TMEM178B: variants seen among roughly 807,000 people sequenced by gnomAD.
The protein encoded by TMEM178B is transmembrane protein 178B.
Under a neutral mutation model 31.0 loss-of-function variants are expected in TMEM178B, and 5 were observed. That is an observed-to-expected ratio of 0.16 (90% CI 0.08 to 0.34). The LOEUF is 0.34. Among genes scored for constraint, TMEM178B ranks in the 10% least tolerant of loss-of-function variants. The pLI is 1.00. For missense variants in TMEM178B, 275 were observed against 400.3 expected, an observed-to-expected ratio of 0.69 and a Z score of 2.67; for synonymous variants, 164 against 164.0, an observed-to-expected ratio of 1.00 and a Z score of 0.00.
chr7:141,482,677 C>T (rs1802497749), downstream of TMEM178B, among the ~76,000 whole-genome samples: 1 of 152,190 alleles, frequency 6.6e-6, no homozygotes, highest in African/African-American at 2.4e-5. Flanking sequence ...AGCTACTATA[C>T]TCAGGGTTAT....
chr7:141,505,335 T>G, the TMEM178B span, among the ~76,000 whole-genome samples: 8 of 152,234 alleles, frequency 5.3e-5, no homozygotes, highest in African/African-American at 1.7e-4. Flanking sequence ...AATGACCAAG[T>G]CAAAATAGAA....
intron 2 of TMEM178B, among the ~76,000 whole-genome samples, chr7:141,273,627 A>G (rs1315809308): frequency 2.0e-5 from 3 of 152,324 alleles, no homozygotes; most frequent in African/African-American, 7.2e-5. Context: ...AGCAGATACT[A>G]TTTCAGAAAA....
At chr7:141,108,427 A>G (rs564960821) in intron 1 of TMEM178B, among the ~76,000 whole-genome samples, 2 of 152,334 alleles carry the variant, frequency 1.3e-5, no homozygotes, top group African/African-American at 4.8e-5. Flanking sequence ...CAATCCATCT[A>G]TAGTAGCAGG....
At chr7:141,083,591 G>T (rs1283149119) in intron 1 of TMEM178B, among the ~76,000 whole-genome samples, 4 of 152,056 alleles carry the variant, frequency 2.6e-5, no homozygotes, top group Admixed American at 1.3e-4. Context: ...AATAGGAATA[G>T]CTAATTTCTT....
intron 2 of TMEM178B, among the ~76,000 whole-genome samples, chr7:141,251,654 A>G (rs989929946): frequency 6.6e-6 from 1 of 152,206 alleles, no homozygotes; most frequent in Admixed American, 6.5e-5. Flanking sequence ...GAGCAAACTT[A>G]TAAAACAAAT....
In TMEM178B at chr7:141,479,368, T is replaced by G. The variant is rs968513130; in HGVS notation, c.*8582T>G. The G allele has an allele frequency of 1.1e-4, 17 of 152,356 alleles. No individual in the cohort carries two copies. Among genetic ancestry groups the G allele is most frequent in the Admixed American group, 7.8e-4 (12 of 15,306 alleles). 9.4% of individuals were successfully genotyped at this position (152,356 alleles called of 1,614,324 possible). ...AAAGGAGATACCCTGGGAAGGGCAG[T>G]GGCCACAGGCAGACTGGGTCTCCTA... On this transcript the variant is annotated 3_prime_UTR_variant, in exon 4 of 4. Coordinates refer to ENST00000565468, the MANE Select transcript of TMEM178B (RefSeq NM_001195278.2).
At chr7:141,230,161 T>C (rs1424911068) in intron 2 of TMEM178B, among the ~76,000 whole-genome samples, 1 of 152,212 alleles carries the variant, frequency 6.6e-6, no homozygotes, top group Non-Finnish European at 1.5e-5. Context: ...AATAATGTTA[T>C]AATGATAATC....
In TMEM178B at chr7:141,138,352, C is replaced by T. The variant is rs548198372; in HGVS notation, c.382+63660C>T. On this transcript the variant is annotated intron_variant, in intron 1 of 3. Transcript: ENST00000565468. ...CTGGGATTACAGGCATGAGCCACTGCGCCCGGCCTAAAATTCAAAATTTTA... is the reference window on the plus strand; with the variant it reads ...CTGGGATTACAGGCATGAGCCACTGTGCCCGGCCTAAAATTCAAAATTTTA... Among the ~76,000 whole-genome samples the T allele has an allele frequency of 5.1e-4, 78 of 152,146 alleles. 1 individual carries two copies. In the Middle Eastern group the frequency reaches 0.014, roughly 27 times the overall value.
At chr7:141,180,127 G>A (rs1471574639) in intron 1 of TMEM178B, among the ~76,000 whole-genome samples, 4 of 152,080 alleles carry the variant, frequency 2.6e-5, no homozygotes, top group South Asian at 2.1e-4. Flanking sequence ...GCTTATCATC[G>A]ATATGTCAAA....
chr7:141,133,095 T>A (rs1018001255), intron 1 of TMEM178B, among the ~76,000 whole-genome samples: 9 of 151,942 alleles, frequency 5.9e-5, no homozygotes, highest in Admixed American at 5.2e-4. Context: ...TCTTTCCCTA[T>A]GAAAGCCAAT....
At chr7:141,117,197 G>A (rs373411960) in intron 1 of TMEM178B, among the ~76,000 whole-genome samples, 30 of 152,262 alleles carry the variant, frequency 2.0e-4, no homozygotes, top group Admixed American at 2.0e-3. Flanking sequence ...ACTTTTTAAC[G>A]ATTGCCATTC....
At chr7:141,146,449 A>C (rs1795853539) in intron 1 of TMEM178B, among the ~76,000 whole-genome samples, 1 of 152,210 alleles carries the variant, frequency 6.6e-6, no homozygotes, top group Admixed American at 6.5e-5. Flanking sequence ...TAGGAATCCA[A>C]GTTCTGCCAC....
At chr7:141,226,500 G>A (rs1797343768) in intron 2 of TMEM178B, among the ~76,000 whole-genome samples, 1 of 152,090 alleles carries the variant, frequency 6.6e-6, no homozygotes, top group African/African-American at 2.4e-5. Context: ...TGGTTTCATA[G>A]GTGAGGTCTC....
At chr7:141,170,885 C>T (rs1403357098) in intron 1 of TMEM178B, among the ~76,000 whole-genome samples, 1 of 152,148 alleles carries the variant, frequency 6.6e-6, no homozygotes, top group Non-Finnish European at 1.5e-5. Context: ...CCTGAATACG[C>T]CAAACTGCAA....
chr7:141,352,356 A>G (rs1465269116), intron 2 of TMEM178B: 6 of 151,632 alleles, frequency 4.0e-5, no homozygotes, highest in African/African-American at 9.8e-5. Context: ...CAGGACCGCT[A>G]TCATGACCAG....
At chr7:141,284,359 T>A (rs1798410591) in intron 2 of TMEM178B, among the ~76,000 whole-genome samples, 1 of 152,216 alleles carries the variant, frequency 6.6e-6, no homozygotes, top group Non-Finnish European at 1.5e-5. Context: ...TTATTAGTAA[T>A]TTCTAACTGC....
chr7:141,474,853 A>G lies in TMEM178B; in HGVS notation c.*4067A>G, dbSNP rs1007992948. 5 of 152,242 alleles carry G rather than the reference A, an allele frequency of 3.3e-5. No homozygotes were observed. The highest frequency in any genetic ancestry group is 1.2e-4 in the African/African-American group (5 of 41,462). The allele number at this position is 152,242 out of a possible 1,614,324, so 9.4% of individuals were successfully genotyped here. A position where few individuals can be genotyped will look rare whatever the true frequency, so the allele number is the denominator to read the frequency against. On this transcript the variant is annotated 3_prime_UTR_variant, in exon 4 of 4. Transcript: ENST00000565468. ...CAAATTCAGAATAATGAACTCAGGT[A>G]CATCACCCAGAGGCATTTAGAATGG...
At chr7:141,257,911 C>A (rs1010922731) in intron 2 of TMEM178B, among the ~76,000 whole-genome samples, 1 of 151,402 alleles carries the variant, frequency 6.6e-6, no homozygotes, top group Non-Finnish European at 1.5e-5. Flanking sequence ...TTTTGTTTAT[C>A]TGTTCCTCCC....
chr7:141,434,672 A>T (rs1801501488), intron 2 of TMEM178B, among the ~76,000 whole-genome samples: 1 of 152,218 alleles, frequency 6.6e-6, no homozygotes, highest in Non-Finnish European at 1.5e-5. Flanking sequence ...AGTACACAAT[A>T]CATTTTTGCT....
Sources: gnomAD v4.1 joint callset for allele counts (sites outside exome capture counted in the v4.1 genomes callset) on GRCh38, gnomAD v4.1.1 for gene constraint, MANE v1.5 for transcripts, NCBI Gene and HGNC (gene_info 2026-07-23, HGNC 2026-07-21) for gene names.